BZW2: variants seen among roughly 807,000 people sequenced by gnomAD.
The protein encoded by BZW2 is eIF5-mimic protein 1.
BZW2 carries 23 observed loss-of-function variants against 53.2 expected under a neutral mutation model. The ratio of observed to expected loss-of-function variants is 0.43; its 90% CI spans 0.31 to 0.61. BZW2 has a LOEUF of 0.61. Ranked by LOEUF, BZW2 falls within the 20% of genes least tolerant of loss-of-function variation. BZW2 has a pLI of 0.09. For missense variants in BZW2, 409 were observed against 503.1 expected, an observed-to-expected ratio of 0.81 and a Z score of 1.79; for synonymous variants, 227 against 186.4, an observed-to-expected ratio of 1.22 and a Z score of -1.77.
At chr7:16,678,375 T>C (rs1018031040) in intron 3 of BZW2, among the ~76,000 whole-genome samples, 3 of 152,112 alleles carry the variant, frequency 2.0e-5, no homozygotes, top group African/African-American at 7.2e-5. Flanking sequence ...GCTATCTTGG[T>C]CTTTCAATAT....
intron 7 of BZW2, among the ~76,000 whole-genome samples, chr7:16,694,274 A>G (rs1783411330): frequency 6.6e-6 from 1 of 152,152 alleles, no homozygotes; most frequent in Non-Finnish European, 1.5e-5. Context: ...TATTACTTAT[A>G]ACAGAATACC....
intron 10 of BZW2, among the ~76,000 whole-genome samples, chr7:16,701,037 TAATTG>T (rs1178714261): frequency 6.6e-6 from 1 of 152,150 alleles, no homozygotes; most frequent in East Asian, 1.9e-4. Context: ...TCTAATTACT[TAATTG>T]AATATCATTA....
At chr7:16,695,506 C>G (rs1333248477) in intron 8 of BZW2, among the ~76,000 whole-genome samples, 1 of 152,196 alleles carries the variant, frequency 6.6e-6, no homozygotes, top group African/African-American at 2.4e-5. Flanking sequence ...TTTAATCCCA[C>G]TCACACTTGG....
At chr7:16,654,897 G>GATTTTTTCTA (rs1440412923) in intron 1 of BZW2, among the ~76,000 whole-genome samples, 1 of 152,076 alleles carries the variant, frequency 6.6e-6, no homozygotes, top group Non-Finnish European at 1.5e-5. Flanking sequence ...TAGACTGATA[G>GATTTTTTCTA]ATTTTTTCTA....
intron 1 of BZW2, among the ~76,000 whole-genome samples, chr7:16,647,087 T>C (rs541679626): frequency 6.9e-4 from 105 of 152,274 alleles, no homozygotes; most frequent in Non-Finnish European, 1.3e-3. Flanking sequence ...GCTTCGACCA[T>C]AGGTAGATGG....
chr7:16,664,045 C>T lies in BZW2; in HGVS notation c.-7-1392C>T, dbSNP rs1030303621. ...TGCATAGAAAACCATATATTCTATA[C>T]ACCCTCCTTTTAACCAAGTACTTTA... On this transcript the variant is annotated intron_variant, in intron 1 of 11. Coordinates refer to ENST00000258761, the MANE Select transcript of BZW2 (RefSeq NM_014038.3). Among the ~76,000 whole-genome samples the T allele has an allele frequency of 3.3e-5, 5 of 152,342 alleles. No individual in the cohort carries two copies. The East Asian group carries it at 9.6e-4, about 29-fold the overall frequency.
chr7:16,705,951 A>G (rs1481044894), intron 11 of BZW2, 109 bp from the exon 12 acceptor site: 5 of 1,235,928 alleles, frequency 4.0e-6, no homozygotes, highest in East Asian at 2.3e-5. Flanking sequence ...TGCCTAGGGT[A>G]AAAGTATGCT....
intron 3 of BZW2, among the ~76,000 whole-genome samples, chr7:16,680,065 C>T (rs1210669312): frequency 1.3e-5 from 2 of 152,060 alleles, no homozygotes; most frequent in Non-Finnish European, 2.9e-5. Flanking sequence ...GCTGGGCGAT[C>T]AAATTCAAAT....
chr7:16,683,469 A>G (rs959966761), intron 5 of BZW2, among the ~76,000 whole-genome samples: 1 of 152,232 alleles, frequency 6.6e-6, no homozygotes, highest in Non-Finnish European at 1.5e-5. Flanking sequence ...AAAACTAGAT[A>G]AAGTGATTTA....
chr7:16,697,204 C>G (rs1015387581), intron 9 of BZW2, 143 bp downstream of exon 9: 1 of 940,242 alleles, frequency 1.1e-6, no homozygotes, highest in African/African-American at 1.7e-5. Flanking sequence ...ACCCTCCCTC[C>G]TCAGCCTCCC....
rs1035253444 is a variant in BZW2 at position 16,681,467 on chromosome 7, T to A, written c.339+63T>A. The A allele has an allele frequency of 2.3e-6, 3 of 1,308,934 alleles. No individual in the cohort carries two copies. In the Admixed American group the frequency reaches 6.2e-5, roughly 27 times the overall value. 81.1% of individuals were successfully genotyped at this position (1,308,934 alleles called of 1,614,324 possible). On this transcript the variant is annotated intron_variant, in intron 4 of 11. Transcript: ENST00000258761. Reference sequence around the variant, plus strand: ...ACTGAGGAAAACTCTATAGAAGCTCTACAGTCCACCCACTTTTTAAATAGG... The same window carrying A: ...ACTGAGGAAAACTCTATAGAAGCTCAACAGTCCACCCACTTTTTAAATAGG...
At chr7:16,667,111 A>G (rs935035815) in intron 2 of BZW2, among the ~76,000 whole-genome samples, 3 of 151,452 alleles carry the variant, frequency 2.0e-5, no homozygotes, top group African/African-American at 4.9e-5. Context: ...GGAGAAACCC[A>G]GTCTCTACTA....
At chr7:16,694,136 C>G (rs756798380) in intron 7 of BZW2, among the ~76,000 whole-genome samples, 7 of 152,134 alleles carry the variant, frequency 4.6e-5, no homozygotes, top group Non-Finnish European at 1.0e-4. Context: ...TTCTGCCAAA[C>G]TGTGTAGGGT....
chr7:16,697,928 T>C (rs922695064), intron 9 of BZW2, 120 bp from the exon 10 acceptor site: 3 of 1,225,780 alleles, frequency 2.4e-6, no homozygotes, highest in East Asian at 4.9e-5. Flanking sequence ...TGATAAAAGG[T>C]GTCAATCCTG....
chr7:16,670,859 A>C (rs1195116480), intron 2 of BZW2, among the ~76,000 whole-genome samples: 1 of 152,186 alleles, frequency 6.6e-6, no homozygotes, highest in Non-Finnish European at 1.5e-5. Context: ...TCTCTTGTTC[A>C]TGATGAATAT....
intron 1 of BZW2, 52 bp from the exon 2 acceptor site, chr7:16,665,385 C>T: frequency 6.2e-7 from 1 of 1,605,676 alleles, no homozygotes; most frequent in Non-Finnish European, 8.5e-7. Context: ...CATATGTTTT[C>T]CATATAAACT....
chr7:16,656,569 A>G (rs200810084), intron 1 of BZW2, among the ~76,000 whole-genome samples: 2 of 139,272 alleles, frequency 1.4e-5, no homozygotes, highest in African/African-American at 5.8e-5. Flanking sequence ...ACACACACAC[A>G]CACACACACA....
chr7:16,698,171 G>A lies in BZW2; in HGVS notation c.1093G>A (p.Val365Ile), dbSNP rs769784877. 46 of 1,614,006 alleles carry A rather than the reference G, an allele frequency of 2.9e-5. No individual in the cohort carries two copies. Among genetic ancestry groups the A allele is most frequent in the Non-Finnish European group, 3.6e-5 (43 of 1,179,998 alleles). Residue 365 changes from valine to isoleucine, a missense_variant, in exon 10 of 12, where the codon GTT (valine) becomes ATT (isoleucine). By Grantham distance (29) the Val-to-Ile change is conservative (BLOSUM62 3). This residue lies in a region of BZW2 where 88 missense variants were observed against 114.6 expected (regional missense o/e 0.77). Coordinates refer to ENST00000258761, the MANE Select transcript of BZW2 (RefSeq NM_014038.3). ...CATGAAAGCCTTTCAGAAGATTGTG[G>A]TTCTCTTTTATAAAGGTATCCATCC... Reference protein sequence around the residue: ...HFMKAFQKIVVLFYKADVLSE... With the variant: ...HFMKAFQKIVILFYKADVLSE...
At chr7:16,677,318 G>A (rs1461132690) in intron 3 of BZW2, among the ~76,000 whole-genome samples, 11 of 152,192 alleles carry the variant, frequency 7.2e-5, no homozygotes, top group Admixed American at 7.2e-4. Flanking sequence ...CATGTTTAAA[G>A]GTGGATGTGG....
Sources: allele counts gnomAD v4.1 joint callset (sites outside exome capture counted in the v4.1 genomes callset), GRCh38; gene constraint gnomAD v4.1.1; regional missense constraint gnomAD v4.1.1; transcripts MANE v1.5; gene names NCBI Gene and HGNC (gene_info 2026-07-23, HGNC 2026-07-21).